The following NRG1 variants were observed in gnomAD, a reference collection of about 807,000 sequenced individuals.
NRG1 encodes the protein neuregulin 1.
A neutral mutation model predicts 63.8 loss-of-function variants in NRG1; 18 were observed. The observed-to-expected ratio is 0.28, with a 90% CI of 0.19 to 0.42. The LOEUF (loss-of-function observed/expected upper bound fraction) is 0.42. Among genes scored for constraint, NRG1 ranks in the 10% least tolerant of loss-of-function variants. The pLI is 1.00. For missense variants in NRG1, 762 were observed against 814.7 expected (o/e 0.94, Z 0.79); for synonymous variants, 302 against 301.3 (o/e 1.00, Z -0.02).
At chr8:32,653,730 G>A (rs1855658818) in intron 5 of NRG1, among the ~76,000 whole-genome samples, 1 of 152,072 alleles carries the variant, frequency 6.6e-6, no homozygotes, top group Admixed American at 6.6e-5. Context: ...TATTGTTTTG[G>A]CTTGCATAAC....
At chr8:31,649,253 C>G (rs1442678582) in intron 1 of NRG1, among the ~76,000 whole-genome samples, 1 of 152,194 alleles carries the variant, frequency 6.6e-6, no homozygotes, top group Non-Finnish European at 1.5e-5. Context: ...GGTGCCCGGC[C>G]TCATATGGTA....
At chr8:31,670,435 C>T (rs75836243) in intron 1 of NRG1, among the ~76,000 whole-genome samples, 64 of 152,256 alleles carry the variant, frequency 4.2e-4, no homozygotes, top group Non-Finnish European at 8.5e-4. Flanking sequence ...ATTGCCATTA[C>T]CTCATAAAAT....
intron 1 of NRG1, among the ~76,000 whole-genome samples, chr8:31,850,157 A>C (rs1367336777): frequency 6.6e-6 from 1 of 152,174 alleles, no homozygotes; most frequent in African/African-American, 2.4e-5. Context: ...CACCAGGAGC[A>C]ATTCCCAAAG....
intron 1 of NRG1, among the ~76,000 whole-genome samples, chr8:31,670,958 G>T (rs557313315): frequency 6.6e-6 from 1 of 151,950 alleles, no homozygotes; most frequent in Non-Finnish European, 1.5e-5. Flanking sequence ...CCCTTCTCTC[G>T]CCCTCAATCC....
chr8:32,607,329 T>G (rs1845441101), intron 3 of NRG1, among the ~76,000 whole-genome samples: 1 of 152,146 alleles, frequency 6.6e-6, no homozygotes, highest in African/African-American at 2.4e-5. Flanking sequence ...TCGTTCTCCT[T>G]AGTTTGTCAC....
chr8:31,892,818 T>A (rs1261233878), intron 1 of NRG1, among the ~76,000 whole-genome samples: 1 of 152,082 alleles, frequency 6.6e-6, no homozygotes, highest in Non-Finnish European at 1.5e-5. Flanking sequence ...TCCTTTAAGC[T>A]AACGTATTTA....
At chr8:32,566,808 A>G (rs1372279149) in intron 1 of NRG1, among the ~76,000 whole-genome samples, 1 of 151,976 alleles carries the variant, frequency 6.6e-6, no homozygotes, top group African/African-American at 2.4e-5. Flanking sequence ...TGTTGATCTG[A>G]AGAGTACCTA....
At chr8:32,516,003 A>G (rs1379946811) in intron 1 of NRG1, among the ~76,000 whole-genome samples, 2 of 152,180 alleles carry the variant, frequency 1.3e-5, no homozygotes, top group Non-Finnish European at 2.9e-5. Context: ...AATGTACAGA[A>G]TGGTATTTCC....
chr8:32,771,798 A>G (rs1338517801), downstream of NRG1, among the ~76,000 whole-genome samples: 3 of 145,920 alleles, frequency 2.1e-5, no homozygotes, highest in African/African-American at 7.5e-5. Context: ...TTAGGCAGGC[A>G]AATCACCTGA....
At chr8:32,713,382 CT>C (rs1421253551) in intron 5 of NRG1, among the ~76,000 whole-genome samples, 1 of 152,122 alleles carries the variant, frequency 6.6e-6, no homozygotes. Flanking sequence ...GTAAACTATC[CT>C]GTGACTATCT....
At chr8:32,422,367 C>G (rs1393340882) in intron 1 of NRG1, among the ~76,000 whole-genome samples, 1 of 152,114 alleles carries the variant, frequency 6.6e-6, no homozygotes, top group African/African-American at 2.4e-5. Flanking sequence ...TTTCCCATTT[C>G]AATTAAAACA....
chr8:32,267,063 A>G (rs546639622), intron 1 of NRG1, among the ~76,000 whole-genome samples: 56 of 150,768 alleles, frequency 3.7e-4, no homozygotes, highest in African/African-American at 1.3e-3. Context: ...AAAGAAAGAA[A>G]GAAAAAAAGA....
Position 31,987,318 on chromosome 8 carries a change from A to ATGTGTGTGTGTG in NRG1, c.37+347888_37+347889insGTGTGTGTGTGT, listed in dbSNP as rs775800534. The stretch of plus-strand genomic sequence containing the variant: ...TCTCAAAAAAAAAAAAAAAACATAT[A>ATGTGTGTGTGTG]TATGTGTGTGTGTGTGTGTGTGTGT... On this transcript the variant is annotated intron_variant, in intron 1 of 10. Coordinates refer to the NRG1 transcript ENST00000519301. Among the ~76,000 whole-genome samples the ATGTGTGTGTGTG allele has an allele frequency of 4.7e-4, 35 of 75,220 alleles. 1 individual carries two copies. The highest frequency in any genetic ancestry group is 1.5e-3 in the African/African-American group (30 of 19,536). 49.3% of individuals were successfully genotyped at this position (75,220 alleles called of 152,430 possible). A position where few individuals can be genotyped will look rare whatever the true frequency, so the allele number is the denominator to read the frequency against.
intron 1 of NRG1, among the ~76,000 whole-genome samples, chr8:31,947,789 C>G (rs1307642434): frequency 6.6e-6 from 1 of 151,320 alleles, no homozygotes; most frequent in African/African-American, 2.4e-5. Flanking sequence ...AGTAAAAATA[C>G]AAAAAAATTA....
At chr8:31,856,486 G>C (rs1240695454) in intron 1 of NRG1, among the ~76,000 whole-genome samples, 2 of 152,108 alleles carry the variant, frequency 1.3e-5, no homozygotes, top group Non-Finnish European at 2.9e-5. Context: ...GCACTTCTCT[G>C]TATTGGTTAT....
chr8:31,954,370 G>T (rs1804018591), intron 1 of NRG1, among the ~76,000 whole-genome samples: 4 of 152,164 alleles, frequency 2.6e-5, no homozygotes. Flanking sequence ...TTGAAGAAAA[G>T]TTCTTTGGAA....
At chr8:31,995,515 C>A (rs1811823615) in intron 1 of NRG1, among the ~76,000 whole-genome samples, 1 of 151,922 alleles carries the variant, frequency 6.6e-6, no homozygotes, top group Non-Finnish European at 1.5e-5. Context: ...CACCCGGAGT[C>A]AGCTGGACTG....
At chr8:32,255,101 G>A (rs1317860748) in intron 1 of NRG1, among the ~76,000 whole-genome samples, 3 of 152,102 alleles carry the variant, frequency 2.0e-5, no homozygotes, top group Non-Finnish European at 4.4e-5. Context: ...CACGTGAGAC[G>A]TGTCTCCTGA....
chr8:31,855,544 G>C (rs1423651565), intron 1 of NRG1, among the ~76,000 whole-genome samples: 2 of 152,180 alleles, frequency 1.3e-5, no homozygotes, highest in Non-Finnish European at 2.9e-5. Context: ...ACAGCACACT[G>C]ATGGGTCTTG....
Sources: allele counts gnomAD v4.1 joint callset (sites outside exome capture counted in the v4.1 genomes callset), GRCh38; gene constraint gnomAD v4.1.1; transcripts MANE v1.5; gene names NCBI Gene and HGNC (gene_info 2026-07-23, HGNC 2026-07-21).